The following RBFOX2 variants were observed in gnomAD, a reference collection of about 807,000 sequenced individuals.
The protein encoded by RBFOX2 is RNA binding protein fox-1 homolog 2.
RBFOX2 carries 10 observed loss-of-function variants against 49.1 expected under a neutral mutation model. The observed-to-expected ratio is 0.20, with a 90% CI of 0.13 to 0.35. RBFOX2 has a LOEUF of 0.35. Ranked by LOEUF, RBFOX2 falls within the 10% of genes least tolerant of loss-of-function variation. The pLI is 1.00. For missense variants in RBFOX2, 323 were observed against 486.9 expected (o/e 0.66, Z 3.17); for synonymous variants, 183 against 187.4 (o/e 0.98, Z 0.19).
At chr22:35,957,013 G>A (rs944287497) in intron 1 of RBFOX2, among the ~76,000 whole-genome samples, 1 of 152,180 alleles carries the variant, frequency 6.6e-6, no homozygotes, top group African/African-American at 2.4e-5. Flanking sequence ...CTTTGGTACA[G>A]GCAGTTTGTG....
intron 1 of RBFOX2, among the ~76,000 whole-genome samples, chr22:35,969,754 T>G (rs2056768825): frequency 6.6e-6 from 1 of 152,246 alleles, no homozygotes; most frequent in Non-Finnish European, 1.5e-5. Context: ...AAAATCTTTT[T>G]AACTACCACA....
intron 1 of RBFOX2, among the ~76,000 whole-genome samples, chr22:35,825,036 A>G (rs1253604078): frequency 6.6e-6 from 1 of 152,204 alleles, no homozygotes; most frequent in Non-Finnish European, 1.5e-5. Context: ...CCTGGCCAAT[A>G]TGGCAAAACC....
chr22:35,779,549 G>A (rs1944666200), intron 3 of RBFOX2, among the ~76,000 whole-genome samples: 1 of 152,184 alleles, frequency 6.6e-6, no homozygotes, highest in African/African-American at 2.4e-5. Context: ...GGGCATTTAT[G>A]CTTATCCTAT....
chr22:36,019,427 G>A (rs1211159844), intron 1 of RBFOX2, among the ~76,000 whole-genome samples: 1 of 152,234 alleles, frequency 6.6e-6, no homozygotes, highest in Non-Finnish European at 1.5e-5. Flanking sequence ...AGATTAAACA[G>A]TAAGCAGGAA....
At chr22:36,013,557 G>C (rs1379585179) in intron 1 of RBFOX2, among the ~76,000 whole-genome samples, 1 of 151,940 alleles carries the variant, frequency 6.6e-6, no homozygotes, top group Admixed American at 6.6e-5. Flanking sequence ...CCTAAGGTTT[G>C]TCTGTCTGCA....
At chr22:35,866,965 G>A (rs886666592) in intron 1 of RBFOX2, among the ~76,000 whole-genome samples, 1 of 152,086 alleles carries the variant, frequency 6.6e-6, no homozygotes, top group Admixed American at 6.5e-5. Flanking sequence ...CAGTATCTAC[G>A]TTCAATGTCT....
At chr22:35,930,017 CTTTTTTT>C (rs58976136) in intron 1 of RBFOX2, among the ~76,000 whole-genome samples, 2 of 121,330 alleles carry the variant, frequency 1.6e-5, no homozygotes, top group African/African-American at 7.0e-5. Context: ...CTTAATAGAA[CTTTTTTT>C]TTTTTTTTTT....
intron 1 of RBFOX2, among the ~76,000 whole-genome samples, chr22:35,972,874 C>A (rs999129458): frequency 2.0e-5 from 3 of 152,112 alleles, no homozygotes; most frequent in Non-Finnish European, 4.4e-5. Flanking sequence ...AAAGTACAAG[C>A]CTAGCCATCT....
chr22:35,748,636 G>A (rs1933704457), intron 9 of RBFOX2: 1 of 152,062 alleles, frequency 6.6e-6, no homozygotes, highest in African/African-American at 2.4e-5. Flanking sequence ...GGGCTATTTA[G>A]TAAAACTTCT....
chr22:35,804,545 A>ACAGCTGACTTCTCATCACAAT (rs1950346628), intron 2 of RBFOX2, among the ~76,000 whole-genome samples: 2 of 152,150 alleles, frequency 1.3e-5, no homozygotes, highest in Admixed American at 6.5e-5. Context: ...ACCAGGGTTA[A>ACAGCTGACTTCTCATCACAAT]CAGCTGACTT....
chr22:35,798,890 T>TTAGAA, intron 2 of RBFOX2, among the ~76,000 whole-genome samples: 1 of 152,156 alleles, frequency 6.6e-6, no homozygotes, highest in East Asian at 1.9e-4. Context: ...TACATCAAAC[T>TTAGAA]AAGAAAAAGA....
intron 1 of RBFOX2, among the ~76,000 whole-genome samples, chr22:35,880,351 G>A (rs1281764800): frequency 1.3e-5 from 2 of 152,156 alleles, no homozygotes; most frequent in Non-Finnish European, 2.9e-5. Flanking sequence ...GCAAGTCTGA[G>A]GGCAGAGGAA....
At chr22:35,999,441 TA>T (rs2058321938) in intron 1 of RBFOX2, 1 of 150,588 alleles carries the variant, frequency 6.6e-6, no homozygotes. Context: ...CCTGTTGTCA[TA>T]GCTACTCAGG....
At chr22:35,927,698 C>G (rs750907629) in intron 1 of RBFOX2, among the ~76,000 whole-genome samples, 1 of 151,364 alleles carries the variant, frequency 6.6e-6, no homozygotes, top group African/African-American at 2.4e-5. Flanking sequence ...TTGTAGCGAG[C>G]CTTGAATGTC....
At chr22:35,836,139 G>A (rs900278850) in intron 1 of RBFOX2, among the ~76,000 whole-genome samples, 4 of 152,046 alleles carry the variant, frequency 2.6e-5, no homozygotes, top group East Asian at 1.9e-4. Context: ...GCAGGCAACC[G>A]AATGGAATCA....
chr22:35,957,733 C>T (rs748217954), intron 1 of RBFOX2, among the ~76,000 whole-genome samples: 2 of 152,252 alleles, frequency 1.3e-5, no homozygotes, highest in East Asian at 3.9e-4. Context: ...TTCTTCCAAC[C>T]GTAACTTAGA....
At chr22:35,789,613 C>T (rs1408784159) in intron 2 of RBFOX2, among the ~76,000 whole-genome samples, 1 of 152,066 alleles carries the variant, frequency 6.6e-6, no homozygotes, top group African/African-American at 2.4e-5. Flanking sequence ...TAAAGTTTTT[C>T]ATTTTGTTGC....
chr22:35,772,671 A>T (rs2146811867), intron 4 of RBFOX2, among the ~76,000 whole-genome samples: 1 of 152,234 alleles, frequency 6.6e-6, no homozygotes, highest in East Asian at 1.9e-4. Flanking sequence ...CAGGTATCTT[A>T]GCTGACTTCT....
intron 1 of RBFOX2, among the ~76,000 whole-genome samples, chr22:35,970,535 C>A (rs989463661): frequency 1.3e-5 from 2 of 151,406 alleles, no homozygotes; most frequent in South Asian, 4.2e-4. Context: ...CTGGCATGTA[C>A]CTGTAGTCCC....
Sources: gnomAD v4.1 joint callset for allele counts (sites outside exome capture counted in the v4.1 genomes callset) on GRCh38, gnomAD v4.1.1 for gene constraint, MANE v1.5 for transcripts, NCBI Gene and HGNC (gene_info 2026-07-23, HGNC 2026-07-21) for gene names.